The following FAM124A variants were observed in gnomAD, a reference collection of about 807,000 sequenced individuals.
The protein encoded by FAM124A is protein FAM124A.
In FAM124A, 23 loss-of-function variants were observed where a neutral mutation model predicts 24.5. That is an observed-to-expected ratio of 0.94 (90% CI 0.68 to 1.33). FAM124A has a LOEUF of 1.33. Among genes scored for constraint, FAM124A ranks in the 40% most tolerant of loss-of-function variants. The pLI is 0.00. For synonymous variants in FAM124A, 287 were observed against 314.7 expected (o/e 0.91, Z 0.93); for missense variants, 623 against 722.8 (o/e 0.86, Z 1.58).
chr13:51,252,493 T>C (rs1333994297), intron 3 of FAM124A: 1 of 460,476 alleles, frequency 2.2e-6, no homozygotes, highest in Non-Finnish European at 3.8e-6. Flanking sequence ...CACCCATGAC[T>C]CCTGGGGATT....
chr13:51,228,315 T>G (rs1954337906), intron 1 of FAM124A, among the ~76,000 whole-genome samples: 1 of 152,232 alleles, frequency 6.6e-6, no homozygotes, highest in Admixed American at 6.5e-5. Flanking sequence ...GTAATCCCTA[T>G]ATGTAATATT....
At chr13:51,257,066 A>G (rs1954682542) in intron 3 of FAM124A, among the ~76,000 whole-genome samples, 1 of 152,156 alleles carries the variant, frequency 6.6e-6, no homozygotes, top group African/African-American at 2.4e-5. Flanking sequence ...AATATGATAG[A>G]TTTTTCATGT....
At position 51,251,376 on chromosome 13, in the gene FAM124A, T is replaced by C; in HGVS notation, c.101-92T>C. On this transcript the variant is annotated intron_variant, in intron 2 of 3. Transcript: ENST00000322475. The surrounding 1 kb of genome is among the most constrained non-coding windows in gnomAD (Gnocchi z 5.3). ...AGTTCAGTTAGAATTTGACTTCTCT[T>C]CCTGTCAAGCCTGTACACGTCATCA... is the stretch of plus-strand genomic sequence containing the variant. 7.3e-7 allele frequency: 1 copy of C among 1,374,268 alleles called. No individual in the cohort carries two copies. Among genetic ancestry groups the C allele is most frequent in the Non-Finnish European group, 9.5e-7 (1 of 1,054,488 alleles). The allele number at this position is 1,374,268 out of a possible 1,614,324, so 85.1% of individuals were successfully genotyped here.
chr13:51,276,650 G>A (rs1566175867), intron 3 of FAM124A, among the ~76,000 whole-genome samples: 2 of 152,146 alleles, frequency 1.3e-5, no homozygotes, highest in Admixed American at 1.3e-4. Flanking sequence ...CATCCTTAGT[G>A]AGTGTGTGAA....
chr13:51,237,235 A>C (rs7336003), intron 2 of FAM124A, among the ~76,000 whole-genome samples: 56,658 of 152,058 alleles, frequency 0.37, 11,598 homozygotes, highest in Non-Finnish European at 0.45. Flanking sequence ...CTTATTAGTA[A>C]TACTAATGAT....
At position 51,272,029 on chromosome 13, in the gene FAM124A, G is replaced by A. The variant is rs562799337; in HGVS notation, c.835-8421G>A. Among the ~76,000 whole-genome samples, 3 of 152,204 alleles carry A rather than the reference G, an allele frequency of 2.0e-5. No homozygotes were observed. The highest frequency in any genetic ancestry group is 2.1e-4 in the South Asian group (1 of 4,812). On this transcript the variant is annotated intron_variant, in intron 3 of 3. Transcript: ENST00000322475. The surrounding 1 kb of genome is among the most constrained non-coding windows in gnomAD (Gnocchi z 4.2). ...TCCATTTTTATTATGTCAAGTAGTCGGGGCTCACTTTTCTCTGAATTAGTG... is the reference window on the plus strand; with the variant it reads ...TCCATTTTTATTATGTCAAGTAGTCAGGGCTCACTTTTCTCTGAATTAGTG...
chr13:51,266,899 C>G (rs1954790958), intron 3 of FAM124A, among the ~76,000 whole-genome samples: 1 of 152,154 alleles, frequency 6.6e-6, no homozygotes, highest in Admixed American at 6.5e-5. Flanking sequence ...TCCATTCAGC[C>G]AATTTATAGA....
At chr13:51,268,908 A>G (rs1009559122) in intron 3 of FAM124A, among the ~76,000 whole-genome samples, 1 of 152,244 alleles carries the variant, frequency 6.6e-6, no homozygotes, top group Non-Finnish European at 1.5e-5. Flanking sequence ...AGAGGGCTAC[A>G]GAGGCAGCAA....
chr13:51,277,123 A>G (rs1482603890), intron 3 of FAM124A, among the ~76,000 whole-genome samples: 6 of 152,318 alleles, frequency 3.9e-5, no homozygotes, highest in African/African-American at 9.6e-5. Flanking sequence ...TGCGGTATAT[A>G]TAGCATGGAA....
In FAM124A at chr13:51,284,030, A is replaced by C. The variant is rs146571113; in HGVS notation, c.*2774A>C. On this transcript the variant is annotated 3_prime_UTR_variant, in exon 4 of 4. Coordinates refer to ENST00000322475, the MANE Select transcript of FAM124A (RefSeq NM_001242312.2). ...AGGGAGAGGATGCCCACTGTAGACC[A>C]CATGGAAATGGCAGTCCCTCCACGG... 2.6e-5 allele frequency: 4 copies of C among 152,348 alleles called. No individual in the cohort carries two copies. In the East Asian group the frequency reaches 7.7e-4, roughly 29 times the overall value. The allele number at this position is 152,348 out of a possible 1,614,324, so 9.4% of individuals were successfully genotyped here. A position where few individuals can be genotyped will look rare whatever the true frequency, so the allele number is the denominator to read the frequency against.
chr13:51,273,300 C>T (rs528829895), intron 3 of FAM124A, among the ~76,000 whole-genome samples: 23 of 152,186 alleles, frequency 1.5e-4, no homozygotes, highest in Admixed American at 7.2e-4. Context: ...GTCAGGGATG[C>T]GGTTAAACAT....
intron 2 of FAM124A, among the ~76,000 whole-genome samples, chr13:51,240,366 C>T (rs994008205): frequency 1.3e-5 from 2 of 152,186 alleles, no homozygotes; most frequent in African/African-American, 2.4e-5. Flanking sequence ...CATCTTCTGA[C>T]GTTATTATTG....
At chr13:51,224,810 A>T (rs1344648852) in intron 1 of FAM124A, among the ~76,000 whole-genome samples, 3 of 152,190 alleles carry the variant, frequency 2.0e-5, no homozygotes, top group Non-Finnish European at 4.4e-5. Context: ...AACGTGGCCT[A>T]TATGCCCTGA....
Position 51,280,663 on chromosome 13 carries a change from AC to A in FAM124A, c.1053del (p.Asn352ThrfsTer55). On this transcript the variant is annotated frameshift_variant, in exon 4 of 4. Transcript: ENST00000322475. LOFTEE classifies it low-confidence loss of function (END_TRUNC). ...QQEFAGRANS[T>X]PNPPWSFQRS... ...GGAATTTGCCGGACGAGCCAACAGC[AC>A]CCCCAACCCTCCCTGGTCTTTCCAG... 1.2e-6 allele frequency: 2 copies of A among 1,613,996 alleles called. No individual in the cohort carries two copies.
chr13:51,261,471 A>G (rs74323825), intron 3 of FAM124A, among the ~76,000 whole-genome samples: 4,173 of 152,292 alleles, frequency 0.027, 199 homozygotes, highest in African/African-American at 0.094. Context: ...ATCTGGGTTT[A>G]ATATTCCGGC....
chr13:51,235,697 C>G (rs949888959), intron 2 of FAM124A, among the ~76,000 whole-genome samples: 1 of 152,226 alleles, frequency 6.6e-6, no homozygotes, highest in Non-Finnish European at 1.5e-5. Flanking sequence ...GTCATGAGCT[C>G]TTTATCTGGC....
rs1006063 is a variant in FAM124A, at chr13:51,272,126, G to A, written c.835-8324G>A. 0.086 allele frequency among the ~76,000 whole-genome samples: 13,135 copies of A among 152,276 alleles called. 667 individuals carry two copies. Among genetic ancestry groups the A allele is most frequent in the South Asian group, 0.15 (701 of 4,820 alleles). ...CTTAAAGTTCAGAGAAGCTCTAGCT[G>A]TGAGACCAGCCACTTCCCTCTTCAA... On this transcript the variant is annotated intron_variant, in intron 3 of 3. Coordinates refer to ENST00000322475, the MANE Select transcript of FAM124A (RefSeq NM_001242312.2). The surrounding 1 kb of genome is among the most constrained non-coding windows in gnomAD (Gnocchi z 4.2).
At chr13:51,243,894 T>C (rs1041014585) in intron 2 of FAM124A, among the ~76,000 whole-genome samples, 13 of 152,200 alleles carry the variant, frequency 8.5e-5, no homozygotes, top group African/African-American at 2.9e-4. Flanking sequence ...TTGTTGTGTG[T>C]GTGACGCACC....
Position 51,280,811 on chromosome 13 carries a change from A to C in FAM124A, c.1196A>C (p.His399Pro). The change falls in exon 4 of 4, where the codon CAC (histidine) becomes CCC (proline). Residue 399 changes from histidine to proline, a missense_variant. His to Pro is a moderately conservative substitution (Grantham distance 77). Coordinates refer to ENST00000322475, the MANE Select transcript of FAM124A (RefSeq NM_001242312.2). The stretch of plus-strand genomic sequence containing the variant: ...AGGGCATCAGAGTGGAGGCATGGCC[A>C]CCTCCTCTCCATCGATGACCTAGAG... ...GHRASEWRHG[H>P]LLSIDDLEGA... is the part of the protein sequence containing the mutation. The C allele has an allele frequency of 6.2e-7, 1 of 1,613,934 alleles. No homozygotes were observed. The highest frequency in any genetic ancestry group is 1.7e-5 in the Admixed American group (1 of 60,012).
Sources: allele counts gnomAD v4.1 joint callset (sites outside exome capture counted in the v4.1 genomes callset), GRCh38; gene constraint gnomAD v4.1.1; non-coding constraint Gnocchi (gnomAD v3.1); transcripts MANE v1.5; gene names NCBI Gene and HGNC (gene_info 2026-07-23, HGNC 2026-07-21).